CCDC12: variants seen among roughly 807,000 people sequenced by gnomAD.
CCDC12 encodes coiled-coil domain containing 12.
In CCDC12, 28 loss-of-function variants were observed where a neutral mutation model predicts 25.7. That is an observed-to-expected ratio of 1.09 (90% CI 0.81 to 1.50). The LOEUF (loss-of-function observed/expected upper bound fraction) is 1.50, where lower values mean the gene tolerates loss of function less well. CCDC12 is among the 40% of genes most tolerant of loss of function. CCDC12 has a pLI of 0.00. For synonymous variants in CCDC12, 75 were observed against 87.7 expected, an observed-to-expected ratio of 0.86 and a Z score of 0.81; for missense variants, 198 against 210.0, an observed-to-expected ratio of 0.94 and a Z score of 0.35.
chr3:46,954,604 G>A (rs1211877524), intron 1 of CCDC12, among the ~76,000 whole-genome samples: 2 of 152,124 alleles, frequency 1.3e-5, no homozygotes, highest in Non-Finnish European at 2.9e-5. Flanking sequence ...GTGGGTCAAG[G>A]GAATAAGAGC....
rs554426135 is a variant in CCDC12, at chr3:46,968,392, CTGCAGGACCACCTGGA to C, written c.96+8229_96+8244del. On this transcript the variant is annotated intron_variant, in intron 1 of 6. Coordinates refer to ENST00000683445, the MANE Select transcript of CCDC12 (RefSeq NM_001277074.2). Reference sequence around the variant, plus strand: ...ACCCACTGTCACCCAGCGGAGAAGGCTGCAGGACCACCTGGATGTCCCCACTTACAAGAGGGTAAAG... The same window carrying C: ...ACCCACTGTCACCCAGCGGAGAAGGCTGTCCCCACTTACAAGAGGGTAAAG... Among the ~76,000 whole-genome samples, 15 of 152,326 alleles carry C rather than the reference CTGCAGGACCACCTGGA, an allele frequency of 9.8e-5. No homozygotes were observed. The East Asian group carries it at 2.3e-3, about 23-fold the overall frequency.
intron 2 of CCDC12, among the ~76,000 whole-genome samples, chr3:46,938,242 G>T (rs1296993605): frequency 6.6e-6 from 1 of 152,200 alleles, no homozygotes; most frequent in East Asian, 1.9e-4. Flanking sequence ...GTGGGCTCAG[G>T]ACAGGGCCTC....
intron 1 of CCDC12, among the ~76,000 whole-genome samples, chr3:46,945,609 T>C (rs1205767882): frequency 5.3e-5 from 8 of 152,240 alleles, no homozygotes; most frequent in East Asian, 1.9e-4. Context: ...AAAGTTGGTA[T>C]TGTTTCTTCC....
upstream of CCDC12, among the ~76,000 whole-genome samples, chr3:46,980,248 A>G (rs1306443121): frequency 2.0e-5 from 3 of 152,158 alleles, no homozygotes; most frequent in Non-Finnish European, 2.9e-5. Flanking sequence ...CAAATGGGGA[A>G]ACTGAGACCT....
At position 46,976,709 on chromosome 3, in the gene CCDC12, C is replaced by A. The variant is rs764916670; in HGVS notation, c.24G>T (p.Val8=). Residue 8 remains valine (V), a synonymous_variant, in exon 1 of 7, where the codon GTG becomes GTT. Coordinates refer to ENST00000683445, the MANE Select transcript of CCDC12 (RefSeq NM_001277074.2). ...GCAACGCCTCTTCCTCTAGCCGGCC[C>A]ACACCAGCCGTAGTTGCCTCCATCT... MEATTAG[V]GRLEEEALRR... The A allele has an allele frequency of 6.2e-7, 1 of 1,603,736 alleles. No individual in the cohort carries two copies. Among genetic ancestry groups the A allele is most frequent in the Non-Finnish European group, 8.5e-7 (1 of 1,175,730 alleles).
chr3:46,939,972 T>G (rs78213829), intron 2 of CCDC12, among the ~76,000 whole-genome samples: 1,021 of 90,076 alleles, frequency 0.011, 3 homozygotes, highest in Non-Finnish European at 0.019. Flanking sequence ...CCTAAGCCCA[T>G]CAAGATCTAC....
At chr3:46,974,963 C>T (rs969524677) in intron 1 of CCDC12, among the ~76,000 whole-genome samples, 1 of 152,196 alleles carries the variant, frequency 6.6e-6, no homozygotes, top group African/African-American at 2.4e-5. Context: ...AGAGATGAAG[C>T]AATGTGTCCC....
Position 46,973,613 on chromosome 3 carries a change from C to CTT in CCDC12, c.96+3022_96+3023dup, listed in dbSNP as rs758663577. Among the ~76,000 whole-genome samples, 220 of 97,916 alleles carry CTT rather than the reference C, an allele frequency of 2.2e-3. 5 individuals are homozygous for CTT. The highest frequency in any genetic ancestry group is 7.8e-3 in the African/African-American group (210 of 26,832). 64.2% of individuals were successfully genotyped at this position (97,916 alleles called of 152,430 possible). On this transcript the variant is annotated intron_variant, in intron 1 of 6. Transcript: ENST00000683445. ...TCTGTACTCCCATGTTTCTTCTTTTCTTTTTTTTTTTTTTTTTTGAGATGG... is the reference window on the plus strand; with the variant it reads ...TCTGTACTCCCATGTTTCTTCTTTTCTTTTTTTTTTTTTTTTTTTTGAGATGG...
At chr3:46,973,816 G>A (rs1301288101) in intron 1 of CCDC12, among the ~76,000 whole-genome samples, 3 of 151,968 alleles carry the variant, frequency 2.0e-5, no homozygotes, top group Non-Finnish European at 4.4e-5. Flanking sequence ...TTTTCACTGT[G>A]TTAGCCAGAA....
chr3:46,980,177 G>A (rs982304549), upstream of CCDC12, among the ~76,000 whole-genome samples: 3 of 152,226 alleles, frequency 2.0e-5, no homozygotes, highest in Non-Finnish European at 4.4e-5. Flanking sequence ...CGTGCAGCCT[G>A]AGTCTTTCTT....
intron 2 of CCDC12, among the ~76,000 whole-genome samples, chr3:46,937,536 G>A (rs925124168): frequency 7.9e-5 from 12 of 152,282 alleles, no homozygotes; most frequent in African/African-American, 2.9e-4. Context: ...TGGCCTCAGG[G>A]GTCATCTCTC....
intron 2 of CCDC12, among the ~76,000 whole-genome samples, chr3:46,932,853 C>T (rs2033286627): frequency 1.3e-5 from 2 of 152,234 alleles, no homozygotes; most frequent in African/African-American, 4.8e-5. Context: ...CTCTCGAGAC[C>T]ACCCTTCCAC....
At chr3:46,929,861 T>C (rs2033133719) in intron 2 of CCDC12, among the ~76,000 whole-genome samples, 1 of 151,294 alleles carries the variant, frequency 6.6e-6, no homozygotes, top group Admixed American at 6.6e-5. Flanking sequence ...TGAAACCCCA[T>C]CTCTACTAAA....
intron 1 of CCDC12, among the ~76,000 whole-genome samples, chr3:46,971,372 G>A (rs1393217890): frequency 6.6e-6 from 1 of 152,196 alleles, no homozygotes; most frequent in Non-Finnish European, 1.5e-5. Flanking sequence ...GGTCTTGCAT[G>A]GGCTGGAATC....
At position 46,966,977 on chromosome 3, in the gene CCDC12, A is replaced by G. The variant is rs958949569; in HGVS notation, c.96+9660T>C. On this transcript the variant is annotated intron_variant, in intron 1 of 6. Transcript: ENST00000683445. ...TCTAACTCCTGCTAAATACCTGCAG[A>G]GCGAGCCTCAGGGCACAGAATGATC... Among the ~76,000 whole-genome samples, 20 of 151,880 alleles carry G rather than the reference A, an allele frequency of 1.3e-4. 1 individual carries two copies. The highest frequency in any genetic ancestry group is 2.4e-5 in the African/African-American group (1 of 41,336).
chr3:46,949,120 C>G (rs2034018171), intron 1 of CCDC12, among the ~76,000 whole-genome samples: 1 of 152,142 alleles, frequency 6.6e-6, no homozygotes, highest in Non-Finnish European at 1.5e-5. Context: ...ATCTGGAGCT[C>G]TTCAGATTCT....
chr3:46,963,907 C>G (rs1476155985), intron 1 of CCDC12, among the ~76,000 whole-genome samples: 2 of 151,636 alleles, frequency 1.3e-5, no homozygotes. Flanking sequence ...GCATCTCTGC[C>G]TGGCCGCCCA....
In CCDC12 at chr3:46,973,321, C is replaced by G. The variant is rs192955103; in HGVS notation, c.96+3316G>C. Among the ~76,000 whole-genome samples the G allele has an allele frequency of 6.8e-4, 102 of 149,440 alleles. 1 individual carries two copies. The highest frequency in any genetic ancestry group is 2.5e-3 in the African/African-American group (100 of 40,154). ...TGAGCTGAGATCGTGCCATCGCACT[C>G]CAGCCTGGGCAACAAGAGCGAAGCT... On this transcript the variant is annotated intron_variant, in intron 1 of 6. Transcript: ENST00000683445.
intron 2 of CCDC12, among the ~76,000 whole-genome samples, chr3:46,937,615 G>A (rs1371391786): frequency 1.3e-5 from 2 of 152,230 alleles, no homozygotes; most frequent in African/African-American, 4.8e-5. Context: ...TATGGCCTAG[G>A]GGGTTCTCTG....
Sources: allele counts gnomAD v4.1 joint callset (sites outside exome capture counted in the v4.1 genomes callset), GRCh38; gene constraint gnomAD v4.1.1; transcripts MANE v1.5; gene names NCBI Gene and HGNC (gene_info 2026-07-23, HGNC 2026-07-21).